MTRFR: variants seen among roughly 807,000 people sequenced by gnomAD.
The protein encoded by MTRFR is probable peptide chain release factor C12orf65, mitochondrial.
MTRFR carries 10 observed loss-of-function variants against 11.9 expected under a neutral mutation model. That is an observed-to-expected ratio of 0.84 (90% CI 0.52 to 1.42). The LOEUF (loss-of-function observed/expected upper bound fraction) is 1.42, where lower values mean the gene tolerates loss of function less well. Ranked by LOEUF, MTRFR falls within the 40% of genes most tolerant of loss-of-function variation. The pLI is 0.00. For synonymous variants in MTRFR, 77 were observed against 79.1 expected, an observed-to-expected ratio of 0.97 and a Z score of 0.14; for missense variants, 196 against 197.9, an observed-to-expected ratio of 0.99 and a Z score of 0.06.
At chr12:123,247,172 T>C (rs2048054831) in intron 1 of MTRFR, among the ~76,000 whole-genome samples, 1 of 152,196 alleles carries the variant, frequency 6.6e-6, no homozygotes, top group Admixed American at 6.5e-5. Context: ...GTTAAGTCCA[T>C]TTGTTCCAAG....
intron 1 of MTRFR, among the ~76,000 whole-genome samples, chr12:123,235,785 C>A (rs1019288562): frequency 1.3e-5 from 2 of 151,642 alleles, no homozygotes; most frequent in Admixed American, 1.3e-4. Context: ...GAAAGTTGGC[C>A]GGGCGTGGTG....
chr12:123,238,956 G>A (rs2047890777), intron 1 of MTRFR, among the ~76,000 whole-genome samples: 1 of 151,970 alleles, frequency 6.6e-6, no homozygotes, highest in African/African-American at 2.4e-5. Flanking sequence ...TCATATTTAG[G>A]GGGAAAAAAG....
intron 1 of MTRFR, among the ~76,000 whole-genome samples, chr12:123,242,222 T>C (rs995170472): frequency 5.9e-5 from 9 of 152,298 alleles, no homozygotes; most frequent in Admixed American, 3.3e-4. Context: ...AGCCATTTAG[T>C]GCAGAAGCCA....
At chr12:123,244,983 C>T (rs1164630122) in intron 1 of MTRFR, among the ~76,000 whole-genome samples, 1 of 123,244 alleles carries the variant, frequency 8.1e-6, no homozygotes, top group Non-Finnish European at 1.6e-5. Flanking sequence ...ACTCTTGTCA[C>T]CCAGGCAAGA....
intron 1 of MTRFR, among the ~76,000 whole-genome samples, chr12:123,234,172 C>T (rs1047523157): frequency 6.6e-6 from 1 of 152,174 alleles, no homozygotes; most frequent in South Asian, 2.1e-4. Context: ...ACTGTGCAGG[C>T]CACATTCTTC....
Position 123,253,760 on chromosome 12 carries a change from T to C in MTRFR, c.86T>C (p.Leu29Pro). ...TGGGGACTCCGGCTTTGGGAGAAGC[T>C]GACGTTGTTATCCCCAGGAATAGCT... Reference protein sequence around the residue: ...APWGLRLWEKLTLLSPGIAVT... With the variant: ...APWGLRLWEKPTLLSPGIAVT... The change falls in exon 2 of 3, where the codon CTG becomes CCG. Residue 29 changes from leucine to proline, a missense_variant. Physicochemically the swap from Leu to Pro is moderately conservative, Grantham distance 98. Transcript: ENST00000253233. The C allele has an allele frequency of 6.2e-7, 1 of 1,614,156 alleles. No homozygotes were observed. The highest frequency in any genetic ancestry group is 8.5e-7 in the Non-Finnish European group (1 of 1,180,030).
intron 1 of MTRFR, among the ~76,000 whole-genome samples, chr12:123,236,320 G>A (rs751754223): frequency 8.5e-5 from 13 of 152,134 alleles, no homozygotes; most frequent in Non-Finnish European, 1.5e-4. Flanking sequence ...GCAGCTGCAC[G>A]TGGTGGCTCA....
In MTRFR at chr12:123,256,964, CAAAGG is replaced by C; in HGVS notation, c.438_442del (p.Lys146AsnfsTer9). The C allele has an allele frequency of 6.2e-7, 1 of 1,612,934 alleles. No individual in the cohort carries two copies. The highest frequency in any genetic ancestry group is 1.7e-4 in the Middle Eastern group (1 of 6,054). ...AAAAAACAAGAAAGGAAAAAAAGAG[CAAAGG>C]AAACCCTGGAAAAAAAGAAGCTACT... On this transcript the variant is annotated frameshift_variant, in exon 3 of 3. Transcript: ENST00000253233. LOFTEE classifies it high-confidence loss of function.
chr12:123,250,039 C>G (rs2048094931), intron 1 of MTRFR: 1 of 152,218 alleles, frequency 6.6e-6, no homozygotes. Context: ...TCGTTTAACA[C>G]AATCCCAGAC....
At chr12:123,246,876 A>G (rs11532322) in intron 1 of MTRFR, among the ~76,000 whole-genome samples, 89,087 of 151,438 alleles carry the variant, frequency 0.59, 30,590 homozygotes, top group Non-Finnish European at 0.75. Flanking sequence ...GACTACAGGC[A>G]CACACCACCA....
intron 1 of MTRFR, chr12:123,248,289 G>A (rs1339882523): frequency 1.3e-5 from 2 of 152,296 alleles, no homozygotes; most frequent in South Asian, 2.1e-4. Context: ...CTGAACATAG[G>A]ACCCCAATCC....
chr12:123,240,387 C>T (rs1485572467), intron 1 of MTRFR: 1 of 151,960 alleles, frequency 6.6e-6, no homozygotes, highest in Non-Finnish European at 1.5e-5. Context: ...CAGGCCTCGC[C>T]CCAGACCTAG....
chr12:123,254,252 C>G (rs1257427400), intron 2 of MTRFR: 1 of 401,390 alleles, frequency 2.5e-6, no homozygotes, highest in African/African-American at 2.0e-5. Context: ...TGGCTGCTGC[C>G]CCGGAAGCAA....
chr12:123,240,624 A>C (rs1007762551), intron 1 of MTRFR: 1 of 151,994 alleles, frequency 6.6e-6, no homozygotes, highest in Non-Finnish European at 1.5e-5. Context: ...AAAAAAAAAA[A>C]ACAAACAGTG....
intron 1 of MTRFR, among the ~76,000 whole-genome samples, chr12:123,243,235 A>AT (rs35389455): frequency 0.05 from 7,380 of 147,864 alleles, 579 homozygotes; most frequent in African/African-American, 0.17. Context: ...TTTTAAAACA[A>AT]TTTTTTTTTT....
At chr12:123,253,107 T>TTG (rs766114484) in intron 1 of MTRFR, among the ~76,000 whole-genome samples, 3,334 of 63,220 alleles carry the variant, frequency 0.053, 1,198 homozygotes, top group East Asian at 0.097. Context: ...TTTTTTTTTT[T>TTG]GAGACACTGT....
chr12:123,256,206 G>C (rs900845670), intron 2 of MTRFR, among the ~76,000 whole-genome samples: 6 of 152,160 alleles, frequency 3.9e-5, no homozygotes, highest in Non-Finnish European at 5.9e-5. Flanking sequence ...CTTATGAATG[G>C]TGCACACAAA....
intron 1 of MTRFR, among the ~76,000 whole-genome samples, chr12:123,242,518 T>C (rs1593276717): frequency 6.6e-6 from 1 of 152,214 alleles, no homozygotes; most frequent in African/African-American, 2.4e-5. Context: ...ATGGGTGTGT[T>C]TGTCATTTTT....
intron 1 of MTRFR, chr12:123,250,358 A>G (rs1247609526): frequency 6.6e-6 from 1 of 152,022 alleles, no homozygotes; most frequent in African/African-American, 2.4e-5. Flanking sequence ...TAACCTCCTG[A>G]ATTCTTTTTC....
Sources: allele counts gnomAD v4.1 joint callset (sites outside exome capture counted in the v4.1 genomes callset), GRCh38; gene constraint gnomAD v4.1.1; transcripts MANE v1.5; gene names NCBI Gene and HGNC (gene_info 2026-07-23, HGNC 2026-07-21).